The following LYRM4 variants were observed in gnomAD, a reference collection of about 807,000 sequenced individuals.
LYRM4 encodes the protein LYR motif-containing protein 4.
In LYRM4, 9 loss-of-function variants were observed where a neutral mutation model predicts 11.7. The ratio of observed to expected loss-of-function variants is 0.77; its 90% CI spans 0.46 to 1.34. The LOEUF is 1.34. Among genes scored for constraint, LYRM4 ranks in the 40% most tolerant of loss-of-function variants. The pLI is 0.00. For missense variants in LYRM4, 133 were observed against 112.5 expected (o/e 1.18, Z -0.82); for synonymous variants, 42 against 40.4 (o/e 1.04, Z -0.15).
chr6:5,099,012 G>C (rs1303190472), downstream of LYRM4, among the ~76,000 whole-genome samples: 1 of 152,078 alleles, frequency 6.6e-6, no homozygotes, highest in African/African-American at 2.4e-5. This position sits in a 1 kb window ranked among gnomAD's most constrained non-coding sequence, Gnocchi z 4.3. Flanking sequence ...GACCCGCTTG[G>C]TGGGTGACAG....
intron 2 of LYRM4, among the ~76,000 whole-genome samples, chr6:5,147,812 T>C (rs1757813111): frequency 6.6e-6 from 1 of 152,188 alleles, no homozygotes; most frequent in African/African-American, 2.4e-5. Flanking sequence ...TCATCGCTCC[T>C]TCCTTTTTAA....
chr6:5,130,534 G>A (rs1763905865), intron 2 of LYRM4, among the ~76,000 whole-genome samples: 1 of 152,322 alleles, frequency 6.6e-6, no homozygotes, highest in East Asian at 1.9e-4. Context: ...GCAGACCTGG[G>A]CCCCAGTGAG....
At chr6:5,110,458 C>A (rs953982801) in intron 2 of LYRM4, among the ~76,000 whole-genome samples, 2 of 152,200 alleles carry the variant, frequency 1.3e-5, no homozygotes, top group Non-Finnish European at 2.9e-5. Context: ...GCCGCGCCGT[C>A]CATCTGAGGT....
intron 2 of LYRM4, among the ~76,000 whole-genome samples, chr6:5,120,061 A>AT (rs764194187): frequency 1.3e-5 from 2 of 151,658 alleles, no homozygotes; most frequent in East Asian, 2.0e-4. Flanking sequence ...CGTCTGGCTA[A>AT]TTTTTTTGTA....
chr6:5,137,641 T>C (rs1283978615), intron 2 of LYRM4, among the ~76,000 whole-genome samples: 3 of 152,236 alleles, frequency 2.0e-5, no homozygotes, highest in Non-Finnish European at 4.4e-5. Context: ...TGCCTCTATC[T>C]GTATTTAAGA....
At chr6:5,169,661 TCTTTTTCAA>T (rs1759303051) in intron 2 of LYRM4, among the ~76,000 whole-genome samples, 1 of 152,238 alleles carries the variant, frequency 6.6e-6, no homozygotes, top group Non-Finnish European at 1.5e-5. Context: ...ATTTAAAACT[TCTTTTTCAA>T]CTTTGAAAGT....
the LYRM4 span, chr6:5,066,617 G>A: frequency 8.3e-7 from 1 of 1,204,938 alleles, no homozygotes. Flanking sequence ...CACTTTCAAG[G>A]GCAACCACTT....
At chr6:5,032,411 T>C in the LYRM4 span, 1 of 152,138 alleles carries the variant, frequency 6.6e-6, no homozygotes, top group Non-Finnish European at 1.5e-5. Flanking sequence ...TATAATAACA[T>C]ATTAAAATTA....
downstream of LYRM4, chr6:5,102,499 G>T (rs996827176): frequency 5.9e-5 from 9 of 152,320 alleles, no homozygotes; most frequent in Admixed American, 2.6e-4. Context: ...AAGTTCTAGT[G>T]AAATGTTTCA....
At chr6:5,119,253 ATAAT>A (rs1329851922) in intron 2 of LYRM4, among the ~76,000 whole-genome samples, 2 of 152,164 alleles carry the variant, frequency 1.3e-5, no homozygotes, top group Non-Finnish European at 2.9e-5. Flanking sequence ...GTCACAGTTA[ATAAT>A]TAATATGTTT....
chr6:5,153,870 G>A lies in LYRM4; in HGVS notation c.208-44379C>T, dbSNP rs1448025307. ...ATAATTTTAAAACAGCAAACAGAGA[G>A]CCCGTCCCTTAGAAGTTGAACATCC... is the stretch of plus-strand genomic sequence containing the variant. On this transcript the variant is annotated intron_variant, in intron 2 of 2. Coordinates refer to ENST00000330636, the MANE Select transcript of LYRM4 (RefSeq NM_020408.6). Among the ~76,000 whole-genome samples, 5 of 152,146 alleles carry A rather than the reference G, an allele frequency of 3.3e-5. No homozygotes were observed. In the East Asian group the frequency reaches 9.6e-4, roughly 29 times the overall value.
chr6:5,255,262 C>G (rs1276004660), intron 1 of LYRM4, among the ~76,000 whole-genome samples: 1 of 152,190 alleles, frequency 6.6e-6, no homozygotes, highest in Non-Finnish European at 1.5e-5. Context: ...TCTGCATTCT[C>G]TCATGAGTAT....
chr6:5,176,803 C>T (rs890273473), intron 2 of LYRM4, among the ~76,000 whole-genome samples: 1 of 152,258 alleles, frequency 6.6e-6, no homozygotes, highest in African/African-American at 2.4e-5. Flanking sequence ...ATGTGTATCT[C>T]AGATTTCTAA....
chr6:5,036,818 A>G, the LYRM4 span, among the ~76,000 whole-genome samples: 5 of 152,176 alleles, frequency 3.3e-5, no homozygotes, highest in African/African-American at 1.2e-4. Context: ...CTTTCTCAGG[A>G]GACCTGCGGG....
At position 5,256,490 on chromosome 6, in the gene LYRM4, GGAAAAAAAAAAAAAAAAA is replaced by G. The variant is rs1332974092; in HGVS notation, c.86+4140_86+4157del. Among the ~76,000 whole-genome samples the G allele has an allele frequency of 1.6e-3, 61 of 37,524 alleles. 1 individual carries two copies. Among genetic ancestry groups the G allele is most frequent in the African/African-American group, 3.3e-3 (41 of 12,312 alleles). 24.6% of individuals were successfully genotyped at this position (37,524 alleles called of 152,430 possible). A position where few individuals can be genotyped will look rare whatever the true frequency, so the allele number is the denominator to read the frequency against. ...GGGCAACAAGGGCAAGATTTCAACTGGAAAAAAAAAAAAAAAAAAAAAAAAAAAAAAAAAAAAAAAGAA... is the reference window on the plus strand; with the variant it reads ...GGGCAACAAGGGCAAGATTTCAACTGAAAAAAAAAAAAAAAAAAAAAAGAA... On this transcript the variant is annotated intron_variant, in intron 1 of 2. Transcript: ENST00000330636.
At chr6:5,157,998 G>A (rs1047505242) in intron 2 of LYRM4, among the ~76,000 whole-genome samples, 1 of 152,182 alleles carries the variant, frequency 6.6e-6, no homozygotes, top group Non-Finnish European at 1.5e-5. Context: ...GGCCCGAAAC[G>A]CCAAGGCAAC....
intron 2 of LYRM4, among the ~76,000 whole-genome samples, chr6:5,214,249 A>AG (rs886374190): frequency 9.6e-6 from 1 of 103,994 alleles, no homozygotes; most frequent in Non-Finnish European, 2.6e-5. Context: ...GTGTGGTCCC[A>AG]GGGGGGCCCC....
At chr6:5,255,899 T>C (rs1314169715) in intron 1 of LYRM4, among the ~76,000 whole-genome samples, 2 of 152,208 alleles carry the variant, frequency 1.3e-5, no homozygotes, top group African/African-American at 2.4e-5. Flanking sequence ...CTAAATAGTA[T>C]TCCTAGATAA....
intron 2 of LYRM4, among the ~76,000 whole-genome samples, chr6:5,209,742 T>G (rs1232124392): frequency 2.0e-5 from 3 of 152,208 alleles, no homozygotes; most frequent in African/African-American, 7.2e-5. Context: ...GCAATGGAAT[T>G]GTAAACGACA....
Sources: allele counts gnomAD v4.1 joint callset (sites outside exome capture counted in the v4.1 genomes callset), GRCh38; gene constraint gnomAD v4.1.1; non-coding constraint Gnocchi (gnomAD v3.1); transcripts MANE v1.5; gene names NCBI Gene and HGNC (gene_info 2026-07-23, HGNC 2026-07-21).